Variants in TANGO6 observed in about 807,000 individuals in gnomAD.
TANGO6 encodes the protein transport and golgi organization 6 homolog, also known as transport and Golgi organization protein 6 homolog.
A neutral mutation model predicts 114.2 loss-of-function variants in TANGO6; 90 were observed. The observed-to-expected ratio is 0.79, with a 90% confidence interval of 0.66 to 0.94. The LOEUF (loss-of-function observed/expected upper bound fraction) is 0.94. Among genes scored for constraint, TANGO6 ranks in the 40% least tolerant of loss-of-function variants. The pLI, the probability that TANGO6 is intolerant of heterozygous loss-of-function variation, is 0.00. For missense variants in TANGO6, 1,274 were observed against 1,315.3 expected, an observed-to-expected ratio of 0.97 and a Z score of 0.49; for synonymous variants, 477 against 509.8, an observed-to-expected ratio of 0.94 and a Z score of 0.87.
At chr16:68,886,815 C>T (rs1962545653) in intron 7 of TANGO6, among the ~76,000 whole-genome samples, 2 of 145,474 alleles carry the variant, frequency 1.4e-5, no homozygotes, top group South Asian at 4.4e-4. Flanking sequence ...CTGGCCCATA[C>T]TTTTTTTTTT....
intron 14 of TANGO6, among the ~76,000 whole-genome samples, chr16:68,962,240 A>G (rs1038284891): frequency 2.0e-5 from 3 of 152,190 alleles, no homozygotes; most frequent in Admixed American, 1.3e-4. Context: ...AAGGTCTCAC[A>G]TACGTAACAA....
intron 15 of TANGO6, among the ~76,000 whole-genome samples, chr16:69,003,175 C>T (rs994217955): frequency 5.3e-5 from 8 of 152,042 alleles, no homozygotes; most frequent in African/African-American, 1.2e-4. Flanking sequence ...AAAGCCTTAA[C>T]GAAGGTTATG....
chr16:69,022,958 G>A lies in TANGO6; in HGVS notation c.2973G>A (p.Leu991=), dbSNP rs778309442. ...AGCTGTGCCAGAGGCTGGACTTTCT[G>A]CTGGGCTCCGTGGTCCATGAGGTAC... ...LGELCQRLDF[L]LGSVVHEVTA... is the part of the protein sequence containing the mutation. Residue 991 remains leucine (L), a synonymous_variant, in exon 16 of 18, where the codon CTG becomes CTA. Transcript: ENST00000261778. The A allele has an allele frequency of 1.9e-6, 3 of 1,600,510 alleles. No individual in the cohort carries two copies. The highest frequency in any genetic ancestry group is 2.2e-5 in the East Asian group (1 of 44,704).
intron 16 of TANGO6, among the ~76,000 whole-genome samples, chr16:69,036,265 G>T (rs887786428): frequency 3.9e-5 from 6 of 152,138 alleles, no homozygotes; most frequent in African/African-American, 1.4e-4. Context: ...CACTTCTAGT[G>T]TTGGACAAGG....
intron 17 of TANGO6, among the ~76,000 whole-genome samples, chr16:69,073,233 A>G (rs753351420): frequency 6.6e-6 from 1 of 152,128 alleles, no homozygotes; most frequent in Non-Finnish European, 1.5e-5. Context: ...GCTGGAACTT[A>G]CTAAAGTTCC....
At chr16:69,019,287 A>G (rs1959360766) in intron 15 of TANGO6, among the ~76,000 whole-genome samples, 1 of 152,234 alleles carries the variant, frequency 6.6e-6, no homozygotes, top group Admixed American at 6.5e-5. Context: ...AAAGAGTCTG[A>G]GATGACAATT....
chr16:69,060,297 T>A (rs1960095170), intron 17 of TANGO6, among the ~76,000 whole-genome samples: 1 of 152,136 alleles, frequency 6.6e-6, no homozygotes, highest in African/African-American at 2.4e-5. Context: ...GGACTACAGG[T>A]GTGAGCCACT....
At chr16:69,082,236 C>T (rs985576054) in intron 17 of TANGO6, among the ~76,000 whole-genome samples, 5 of 151,536 alleles carry the variant, frequency 3.3e-5, no homozygotes, top group African/African-American at 1.2e-4. Flanking sequence ...CTGCCTGCCT[C>T]GGCCTTCCAA....
At chr16:69,047,292 C>T (rs1464425861) in intron 17 of TANGO6, among the ~76,000 whole-genome samples, 1 of 151,874 alleles carries the variant, frequency 6.6e-6, no homozygotes, top group African/African-American at 2.4e-5. Flanking sequence ...GTCAGGAGTT[C>T]GAGACCAGCC....
chr16:68,974,124 G>C lies in TANGO6; in HGVS notation c.2798G>C (p.Arg933Thr). The C allele has an allele frequency of 6.2e-7, 1 of 1,613,974 alleles. No individual in the cohort carries two copies. Among genetic ancestry groups the C allele is most frequent in the African/African-American group, 1.3e-5 (1 of 75,052 alleles). The part of the protein sequence containing the change: ...SSKDKHTPET[R>T]MKVGEVLMRI... ...AAAGACAAGCACACACCAGAGACCA[G>C]AATGAAAGTCGGGGAAGTCCTTATG... is the stretch of plus-strand genomic sequence containing the variant. The change falls in exon 15 of 18, where the codon AGA becomes ACA. Residue 933 changes from arginine to threonine, a missense_variant. Transcript: ENST00000261778.
intron 17 of TANGO6, among the ~76,000 whole-genome samples, chr16:69,042,112 G>A (rs903290537): frequency 1.3e-5 from 2 of 152,204 alleles, no homozygotes; most frequent in African/African-American, 4.8e-5. Context: ...CTGCAAAGGA[G>A]CCTGACAATG....
chr16:68,876,488 A>G (rs748245516), intron 5 of TANGO6, among the ~76,000 whole-genome samples: 60 of 152,114 alleles, frequency 3.9e-4, no homozygotes, highest in African/African-American at 7.0e-4. Context: ...AAATGATAGC[A>G]TGCAGCATGC....
Position 68,843,535 on chromosome 16 carries a change from C to T in TANGO6, c.-83C>T. 7.4e-7 allele frequency: 1 copy of T among 1,358,614 alleles called. No individual in the cohort carries two copies. Among genetic ancestry groups the T allele is most frequent in the South Asian group, 1.2e-5 (1 of 80,426 alleles). 84.2% of individuals were successfully genotyped at this position (1,358,614 alleles called of 1,614,324 possible). ...GCCCCGCCCCATAGTGTGCCCAGAG[C>T]CTTCTGCCACACTTAACATGGCGGC... On this transcript the variant is annotated 5_prime_UTR_variant, in exon 1 of 18. Coordinates refer to ENST00000261778, the MANE Select transcript of TANGO6 (RefSeq NM_024562.2).
chr16:68,869,111 A>G (rs896071848), intron 4 of TANGO6, among the ~76,000 whole-genome samples: 7 of 151,878 alleles, frequency 4.6e-5, no homozygotes, highest in African/African-American at 1.5e-4. Context: ...TGTACATCTG[A>G]TTAGTTTTCT....
chr16:68,927,723 G>A lies in TANGO6; in HGVS notation c.2283G>A (p.Met761Ile). The change falls in exon 13 of 18, where the codon ATG becomes ATA. Residue 761 changes from methionine to isoleucine, a missense_variant. This residue lies in a region of TANGO6 where 908 missense variants were observed against 910.2 expected (regional missense o/e 1.00). Transcript: ENST00000261778. The part of the protein sequence containing the change: ...HGAFATEAVS[M>I]AAQSTLNRKD... ...CCTTTGCCACTGAGGCCGTCAGCAT[G>A]GCTGCCCAAAGTACACTGAACAGAA... 1 of 1,613,928 alleles carries A rather than the reference G, an allele frequency of 6.2e-7. No homozygotes were observed. The highest frequency in any genetic ancestry group is 8.5e-7 in the Non-Finnish European group (1 of 1,179,888).
At chr16:69,070,460 C>T (rs557330696) in intron 17 of TANGO6, among the ~76,000 whole-genome samples, 9 of 151,794 alleles carry the variant, frequency 5.9e-5, no homozygotes, top group African/African-American at 2.2e-4. Flanking sequence ...TGGTGAAACC[C>T]CGTCCCTAAT....
At chr16:69,020,594 T>C (rs1959384285) in intron 15 of TANGO6, among the ~76,000 whole-genome samples, 1 of 152,154 alleles carries the variant, frequency 6.6e-6, no homozygotes, top group Non-Finnish European at 1.5e-5. Context: ...CAGTGATTTA[T>C]CAATATAGGT....
Position 69,058,739 on chromosome 16 carries a change from C to T in TANGO6, c.3108+18318C>T, listed in dbSNP as rs867375557. Among the ~76,000 whole-genome samples the T allele has an allele frequency of 1.2e-4, 19 of 152,240 alleles. 1 individual carries two copies. The highest frequency in any genetic ancestry group is 3.4e-3 in the Middle Eastern group (1 of 294). Reference sequence around the variant, plus strand: ...GGAGTGCAGTGGCGCAATCTCGGCTCACTGCAAGCTCTGCTTCCCGTGTTC... The same window carrying T: ...GGAGTGCAGTGGCGCAATCTCGGCTTACTGCAAGCTCTGCTTCCCGTGTTC... On this transcript the variant is annotated intron_variant, in intron 17 of 17. Coordinates refer to ENST00000261778, the MANE Select transcript of TANGO6 (RefSeq NM_024562.2).
intron 17 of TANGO6, among the ~76,000 whole-genome samples, chr16:69,044,881 C>A (rs1197294034): frequency 6.6e-6 from 1 of 151,994 alleles, no homozygotes; most frequent in Non-Finnish European, 1.5e-5. Flanking sequence ...AAAGGCTGGG[C>A]GCAGTGCCTC....
Sources: allele counts gnomAD v4.1 joint callset (sites outside exome capture counted in the v4.1 genomes callset), GRCh38; gene constraint gnomAD v4.1.1; regional missense constraint gnomAD v4.1.1; transcripts MANE v1.5; gene names NCBI Gene and HGNC (gene_info 2026-07-23, HGNC 2026-07-21).